CDK13: variants seen among roughly 807,000 people sequenced by gnomAD.
CDK13 encodes cyclin dependent kinase 13, also known as cyclin-dependent kinase 13.
In CDK13, 40 loss-of-function variants were observed where a neutral mutation model predicts 137.6. The ratio of observed to expected loss-of-function variants is 0.29; its 90% confidence interval spans 0.23 to 0.38. CDK13 has a LOEUF of 0.38. Ranked by LOEUF, CDK13 falls within the 10% of genes least tolerant of loss-of-function variation. The pLI, the probability that CDK13 is intolerant of heterozygous loss-of-function variation, is 1.00. For missense variants in CDK13, 1,704 were observed against 1,951.8 expected (o/e 0.87, Z 2.39); for synonymous variants, 869 against 760.1 (o/e 1.14, Z -2.36).
chr7:40,041,113 G>GT (rs1338922714), intron 5 of CDK13, among the ~76,000 whole-genome samples: 1 of 152,264 alleles, frequency 6.6e-6, no homozygotes, highest in East Asian at 1.9e-4. Flanking sequence ...ATCACCTGAG[G>GT]TTAGGAGTTC....
intron 5 of CDK13, among the ~76,000 whole-genome samples, chr7:40,030,276 G>A (rs10230663): frequency 7.8e-6 from 1 of 128,974 alleles, no homozygotes; most frequent in African/African-American, 4.7e-5. Flanking sequence ...TATATATATA[G>A]AGAGAGAGAG....
chr7:40,087,546 G>GTT (rs35686770), intron 11 of CDK13, among the ~76,000 whole-genome samples: 6,509 of 112,034 alleles, frequency 0.058, 965 homozygotes, highest in African/African-American at 0.21. Flanking sequence ...CAATAGTGGT[G>GTT]TTTTTTTTTT....
At chr7:40,027,213 C>T (rs568251892) in intron 5 of CDK13, among the ~76,000 whole-genome samples, 194 of 152,192 alleles carry the variant, frequency 1.3e-3, no homozygotes, top group Non-Finnish European at 2.2e-3. Flanking sequence ...GACGTGGTGG[C>T]GTGTGCCTGT....
chr7:40,078,307 T>C, intron 10 of CDK13, 186 bp downstream of exon 10: 1 of 422,382 alleles, frequency 2.4e-6, no homozygotes, highest in Non-Finnish European at 4.2e-6. Context: ...ATCAGTGATT[T>C]GAGATTGTGT....
In CDK13 at chr7:39,951,061, G is replaced by T; in HGVS notation, c.420G>T (p.Val140=). 7.8e-7 allele frequency: 1 copy of T among 1,278,282 alleles called. No homozygotes were observed. The highest frequency in any genetic ancestry group is 9.9e-7 in the Non-Finnish European group (1 of 1,014,296). The allele number at this position is 1,278,282 out of a possible 1,614,324, so 79.2% of individuals were successfully genotyped here. A position where few individuals can be genotyped will look rare whatever the true frequency, so the allele number is the denominator to read the frequency against. Residue 140 remains valine (V), a synonymous_variant, in exon 1 of 14, where the codon GTG becomes GTT. Coordinates refer to ENST00000181839, the MANE Select transcript of CDK13 (RefSeq NM_003718.5). ...GGGGASSGGG[V]TPLVEYEDVS... is the part of the protein sequence containing the mutation. The stretch of plus-strand genomic sequence containing the variant: ...GCGGTGCTAGTAGCGGCGGGGGTGT[G>T]ACCCCGCTGGTGGAATACGAGGATG...
intron 11 of CDK13, 62 bp from the exon 12 acceptor site, chr7:40,088,064 G>C: frequency 5.0e-6 from 7 of 1,405,508 alleles, no homozygotes; most frequent in Non-Finnish European, 6.9e-6. Context: ...TTGCTATATA[G>C]TAACTGTAGC....
intron 4 of CDK13, 150 bp downstream of exon 4, chr7:39,999,650 G>A: frequency 1.3e-6 from 1 of 765,710 alleles, no homozygotes; most frequent in Non-Finnish European, 2.1e-6. Context: ...TTCTATATAT[G>A]CATTTTGTAA....
chr7:40,001,713 T>A, intron 4 of CDK13, 148 bp from the exon 5 acceptor site: 1 of 644,516 alleles, frequency 1.6e-6, no homozygotes, highest in Non-Finnish European at 2.8e-6. Flanking sequence ...ACTATAAATA[T>A]TATTTGGTAT....
chr7:40,020,204 A>T (rs1445292033), intron 5 of CDK13, among the ~76,000 whole-genome samples: 2 of 151,960 alleles, frequency 1.3e-5, no homozygotes, highest in African/African-American at 4.8e-5. Flanking sequence ...AGTAGCTGGG[A>T]CTACAGGTGC....
At chr7:40,049,202 AAAAAG>A (rs1481235821) in intron 7 of CDK13, 2 of 150,260 alleles carry the variant, frequency 1.3e-5, no homozygotes, top group East Asian at 3.9e-4. Context: ...AAAAAAAAAA[AAAAAG>A]GAAGGGAGGA....
intron 9 of CDK13, chr7:40,072,875 G>A (rs1308590557): frequency 6.6e-6 from 1 of 152,150 alleles, no homozygotes; most frequent in Admixed American, 6.5e-5. Flanking sequence ...GTAGCCTGGG[G>A]AGAAAATGCA....
At chr7:40,034,496 T>G (rs1785443828) in intron 5 of CDK13, among the ~76,000 whole-genome samples, 2 of 152,208 alleles carry the variant, frequency 1.3e-5, no homozygotes, top group Admixed American at 6.5e-5. Flanking sequence ...GATTATAACA[T>G]ATCTCTAGCT....
At chr7:40,004,658 CTAGT>C (rs1401511298) in intron 5 of CDK13, among the ~76,000 whole-genome samples, 1 of 152,096 alleles carries the variant, frequency 6.6e-6, no homozygotes, top group Non-Finnish European at 1.5e-5. Context: ...ATTTGATTGT[CTAGT>C]TAGAGCATAA....
chr7:40,092,010 A>G (rs900371028), intron 12 of CDK13, among the ~76,000 whole-genome samples: 2 of 152,160 alleles, frequency 1.3e-5, no homozygotes, highest in Non-Finnish European at 2.9e-5. Flanking sequence ...AGTTGGAAAA[A>G]CAACTGAATC....
chr7:39,989,750 T>C (rs916073444), intron 2 of CDK13, among the ~76,000 whole-genome samples: 5 of 152,026 alleles, frequency 3.3e-5, no homozygotes, highest in Admixed American at 2.0e-4. Flanking sequence ...TGAGAATCCA[T>C]GTTTCATTGA....
In CDK13 at chr7:40,062,888, A is replaced by G. The variant is rs1234368404; in HGVS notation, c.2663A>G (p.Glu888Gly). 4 of 1,613,848 alleles carry G rather than the reference A, an allele frequency of 2.5e-6. No individual in the cohort carries two copies. The highest frequency in any genetic ancestry group is 3.4e-6 in the Non-Finnish European group (4 of 1,179,896). Residue 888 changes from glutamate (E) to glycine (G), a missense_variant, in exon 8 of 14, where the codon GAA (glutamate) becomes GGA (glycine). Around this residue, in one of 5 missense-constraint regions of CDK13, gnomAD observed 130 missense variants for 362.4 expected, o/e 0.36. Transcript: ENST00000181839. ...CGTCCACCTGAACTGCTACTGGGAGAAGAACGATACACACCAGCCATTGAT... is the reference window on the plus strand; with the variant it reads ...CGTCCACCTGAACTGCTACTGGGAGGAGAACGATACACACCAGCCATTGAT... ...WYRPPELLLG[E>G]ERYTPAIDVW...
chr7:40,026,879 A>G (rs1785254458), intron 5 of CDK13, among the ~76,000 whole-genome samples: 1 of 152,232 alleles, frequency 6.6e-6, no homozygotes, highest in Non-Finnish European at 1.5e-5. Context: ...TTTTTTGAAC[A>G]ACAAACAATT....
intron 4 of CDK13, among the ~76,000 whole-genome samples, chr7:40,001,089 T>C (rs1784675538): frequency 6.6e-6 from 1 of 152,168 alleles, no homozygotes; most frequent in Non-Finnish European, 1.5e-5. Flanking sequence ...TTTTTTTCAC[T>C]GATAGAGTTT....
intron 2 of CDK13, among the ~76,000 whole-genome samples, chr7:39,992,229 GC>G (rs1295365395): frequency 2.0e-5 from 3 of 150,640 alleles, no homozygotes; most frequent in African/African-American, 7.3e-5. Context: ...ATGAAGTCTT[GC>G]CCTGTTGCCC....
Sources: allele counts gnomAD v4.1 joint callset (sites outside exome capture counted in the v4.1 genomes callset), GRCh38; gene constraint gnomAD v4.1.1; regional missense constraint gnomAD v4.1.1; transcripts MANE v1.5; gene names NCBI Gene and HGNC (gene_info 2026-07-23, HGNC 2026-07-21).